WDR26: variants seen among roughly 807,000 people sequenced by gnomAD.
The protein encoded by WDR26 is WD repeat domain 26, also known as WD repeat-containing protein 26.
Under a neutral mutation model 84.1 loss-of-function variants are expected in WDR26, and 5 were observed. The ratio of observed to expected loss-of-function variants is 0.06; its 90% CI spans 0.03 to 0.13. The LOEUF is 0.13. Ranked by LOEUF, WDR26 falls within the 10% of genes least tolerant of loss-of-function variation. The pLI is 1.00. For synonymous variants in WDR26, 415 were observed against 389.6 expected, an observed-to-expected ratio of 1.07 and a Z score of -0.77; for missense variants, 642 against 974.9, an observed-to-expected ratio of 0.66 and a Z score of 4.55.
intron 10 of WDR26, 106 bp downstream of exon 10, chr1:224,398,783 A>G: frequency 2.1e-6 from 3 of 1,421,084 alleles, no homozygotes; most frequent in Non-Finnish European, 2.9e-6. Flanking sequence ...CCAAATTACC[A>G]CGCAAACCAA....
rs1388280427 is a variant in WDR26, at chr1:224,434,033, C to T, written c.373G>A (p.Gly125Ser). The stretch of plus-strand genomic sequence containing the variant: ...GCGAGTTCCGGGGTCTGTCCCTGGC[C>T]CCCGCCGCCCCCTCCTCCTCCACCG... The change falls in exon 1 of 14, where the codon GGC becomes AGC. Residue 125 changes from glycine (G) to serine (S), a missense_variant. Around this residue, in one of 2 missense-constraint regions of WDR26, gnomAD observed 291 missense variants for 302.1 expected, o/e 0.96. Transcript: ENST00000414423. 12 of 1,466,576 alleles carry T rather than the reference C, an allele frequency of 8.2e-6. No homozygotes were observed. Among genetic ancestry groups the T allele is most frequent in the Non-Finnish European group, 1.1e-5 (12 of 1,113,604 alleles). 90.8% of individuals were successfully genotyped at this position (1,466,576 alleles called of 1,614,324 possible).
intron 12 of WDR26, among the ~76,000 whole-genome samples, chr1:224,397,200 AGGT>A (rs1673291021): frequency 6.6e-6 from 1 of 152,168 alleles, no homozygotes; most frequent in Non-Finnish European, 1.5e-5. Flanking sequence ...CATGTTGCCC[AGGT>A]TGGTCTGGAA....
intron 3 of WDR26, among the ~76,000 whole-genome samples, chr1:224,427,264 T>C (rs1458703843): frequency 6.6e-6 from 1 of 152,046 alleles, no homozygotes; most frequent in Admixed American, 6.5e-5. Context: ...TCTTAGTAAT[T>C]GGGAATTGAG....
chr1:224,404,568 A>G lies in WDR26; in HGVS notation c.1461T>C (p.Asp487=), dbSNP rs1327394748. The G allele has an allele frequency of 6.2e-7, 1 of 1,610,058 alleles. No homozygotes were observed. Among genetic ancestry groups the G allele is most frequent in the African/African-American group, 1.3e-5 (1 of 74,888 alleles). The stretch of plus-strand genomic sequence containing the variant: ...TTTTAAGCAGTTTTAGCAGGTGTGT[A>G]TCCTGGGAGGGAAAATAAACAATTC... The change falls in exon 8 of 14, where the codon GAT becomes GAC. Residue 487 remains aspartate, a splice_region_variant and synonymous_variant. Transcript: ENST00000414423.
At chr1:224,411,316 C>T (rs559976732) in intron 7 of WDR26, 111 bp downstream of exon 7, 1 of 1,167,968 alleles carries the variant, frequency 8.6e-7, no homozygotes, top group Non-Finnish European at 1.1e-6. Context: ...ATAAAAAATG[C>T]TCTTAGAAAA....
At chr1:224,406,200 A>G (rs1468132277) in intron 7 of WDR26, among the ~76,000 whole-genome samples, 1 of 152,202 alleles carries the variant, frequency 6.6e-6, no homozygotes, top group Non-Finnish European at 1.5e-5. Flanking sequence ...AGAAAAAAAG[A>G]TATTGTGGAG....
At chr1:224,405,985 G>A (rs1203648182) in intron 7 of WDR26, among the ~76,000 whole-genome samples, 1 of 152,208 alleles carries the variant, frequency 6.6e-6, no homozygotes, top group African/African-American at 2.4e-5. Flanking sequence ...GAACCATAAT[G>A]AGCCATACAT....
chr1:224,434,496 T>C lies in WDR26; in HGVS notation c.-91A>G, dbSNP rs1359405182. 1 of 181,700 alleles carries C rather than the reference T, an allele frequency of 5.5e-6. No individual in the cohort carries two copies. 11.3% of individuals were successfully genotyped at this position (181,700 alleles called of 1,614,324 possible). The stretch of plus-strand genomic sequence containing the variant: ...GGGGGCCGGGGAGGCGGGGAGGGGG[T>C]CAGGGTAGGAGGGTGAGGGTGAGGG... On this transcript the variant is annotated 5_prime_UTR_variant, in exon 1 of 14. Transcript: ENST00000414423.
chr1:224,422,407 T>C (rs950715629), intron 4 of WDR26, among the ~76,000 whole-genome samples: 2 of 152,104 alleles, frequency 1.3e-5, no homozygotes, highest in African/African-American at 4.8e-5. Flanking sequence ...CTGTGTGAAA[T>C]ATGCATTGTT....
rs138975913 is a variant in WDR26 at position 224,429,016 on chromosome 1, C to G, written c.927+2461G>C. ...CAGTGGTTCACACCTGTAATCCCAG[C>G]ACTTTGGAAGGCTGGGGCGGGCGGA... is the stretch of plus-strand genomic sequence containing the variant. On this transcript the variant is annotated intron_variant, in intron 3 of 13. Transcript: ENST00000414423. 3.2e-3 allele frequency among the ~76,000 whole-genome samples: 485 copies of G among 152,114 alleles called. 3 individuals carry two copies. Among genetic ancestry groups the G allele is most frequent in the African/African-American group, 0.011 (464 of 41,490 alleles).
chr1:224,415,756 G>A (rs189091567), intron 6 of WDR26, among the ~76,000 whole-genome samples: 16 of 152,174 alleles, frequency 1.1e-4, no homozygotes, highest in Admixed American at 8.5e-4. Flanking sequence ...CACTGCACCC[G>A]GCCTGGAACA....
chr1:224,434,646 G>T lies in WDR26; in HGVS notation c.-241C>A, dbSNP rs1190909260. On this transcript the variant is annotated 5_prime_UTR_variant, in exon 1 of 14. Transcript: ENST00000414423. ...CCGGGGGGCGCCGCGGGGCGGCTGC[G>T]GGGGCGCGGGGCCCGCCGCTGGGCT... The T allele has an allele frequency of 5.7e-6, 4 of 707,136 alleles. No homozygotes were observed. Among genetic ancestry groups the T allele is most frequent in the South Asian group, 6.0e-5 (1 of 16,570 alleles). The allele number at this position is 707,136 out of a possible 1,614,324, so 43.8% of individuals were successfully genotyped here.
In WDR26 at chr1:224,434,622, C is replaced by A. The variant is rs549176959; in HGVS notation, c.-217G>T. On this transcript the variant is annotated 5_prime_UTR_variant, in exon 1 of 14. Transcript: ENST00000414423. The stretch of plus-strand genomic sequence containing the variant: ...GGGGTGCGCGGCCCGGGGGTCGCGC[C>A]GGGGGGCGCCGCGGGGCGGCTGCGG... 863 of 534,972 alleles carry A rather than the reference C, an allele frequency of 1.6e-3. 1 individual carries two copies. Among genetic ancestry groups the A allele is most frequent in the Middle Eastern group, 0.012 (13 of 1,046 alleles). The allele number at this position is 534,972 out of a possible 1,614,324, so 33.1% of individuals were successfully genotyped here.
intron 7 of WDR26, among the ~76,000 whole-genome samples, chr1:224,410,963 A>T (rs1490412536): frequency 6.6e-6 from 1 of 152,126 alleles, no homozygotes; most frequent in Non-Finnish European, 1.5e-5. Flanking sequence ...AAGTGCTGGG[A>T]TTACAGGCAT....
chr1:224,390,409 C>G (rs998058582), intron 13 of WDR26, among the ~76,000 whole-genome samples: 1 of 152,204 alleles, frequency 6.6e-6, no homozygotes, highest in Non-Finnish European at 1.5e-5. Context: ...GCACTGGCCA[C>G]CGTGCCTAGC....
chr1:224,433,663 CTGG>C lies in WDR26; in HGVS notation c.722+18_722+20del. On this transcript the variant is annotated intron_variant, in intron 1 of 13. Coordinates refer to ENST00000414423, the MANE Select transcript of WDR26 (RefSeq NM_001379403.1). ...CGTCCCTCGGTCTGTCCATCACCAG[CTGG>C]CGGTAAGGGATACTTACTTGAGCCC... The C allele has an allele frequency of 6.9e-7, 1 of 1,453,160 alleles. No homozygotes were observed. The highest frequency in any genetic ancestry group is 9.1e-7 in the Non-Finnish European group (1 of 1,101,454). The allele number at this position is 1,453,160 out of a possible 1,614,324, so 90.0% of individuals were successfully genotyped here.
intron 13 of WDR26, among the ~76,000 whole-genome samples, chr1:224,392,127 C>T (rs890643884): frequency 1.3e-5 from 2 of 151,960 alleles, no homozygotes; most frequent in African/African-American, 2.4e-5. Context: ...TTTGGGAGGC[C>T]GAGGCGGGTG....
chr1:224,405,135 CTA>C (rs2102898360), intron 7 of WDR26, among the ~76,000 whole-genome samples: 1 of 152,256 alleles, frequency 6.6e-6, no homozygotes, highest in East Asian at 1.9e-4. Context: ...GTCTCTGTCT[CTA>C]TAGATTTGCC....
At chr1:224,426,932 TAA>T (rs992119454) in intron 3 of WDR26, among the ~76,000 whole-genome samples, 1 of 143,432 alleles carries the variant, frequency 7.0e-6, no homozygotes. Context: ...CCGTCTCTAC[TAA>T]AAAAAAAAAT....
Sources: gnomAD v4.1 joint callset for allele counts (sites outside exome capture counted in the v4.1 genomes callset) on GRCh38, gnomAD v4.1.1 for gene constraint, gnomAD v4.1.1 regional missense constraint, MANE v1.5 for transcripts, NCBI Gene and HGNC (gene_info 2026-07-23, HGNC 2026-07-21) for gene names.